The following UTRN variants were observed in gnomAD, a reference collection of about 807,000 sequenced individuals.
The protein encoded by UTRN is utrophin.
Under a neutral mutation model 463.9 loss-of-function variants are expected in UTRN, and 283 were observed. The ratio of observed to expected loss-of-function variants is 0.61; its 90% CI spans 0.55 to 0.67. The LOEUF is 0.67. Ranked by LOEUF, UTRN falls within the 30% of genes least tolerant of loss-of-function variation. The probability of loss-of-function intolerance (pLI) is 0.00; values close to 1 mark genes in which losing one functional copy is unlikely to be tolerated. For synonymous variants in UTRN, 1,442 were observed against 1,431.5 expected (o/e 1.01, Z -0.17); for missense variants, 3,922 against 4,084.3 (o/e 0.96, Z 1.08).
chr6:144,434,313 G>A (rs1424489603), intron 9 of UTRN, among the ~76,000 whole-genome samples: 5 of 150,508 alleles, frequency 3.3e-5, no homozygotes, highest in East Asian at 3.9e-4. Context: ...GCTTCGGCTC[G>A]GCATCAGAGG....
At chr6:144,503,699 T>G (rs1794434212) in intron 34 of UTRN, among the ~76,000 whole-genome samples, 1 of 152,182 alleles carries the variant, frequency 6.6e-6, no homozygotes, top group Non-Finnish European at 1.5e-5. Context: ...AGCTTTGTTC[T>G]TTTTGCTTAG....
intron 2 of UTRN, among the ~76,000 whole-genome samples, chr6:144,361,449 G>A (rs1280958988): frequency 6.6e-6 from 1 of 152,168 alleles, no homozygotes; most frequent in Non-Finnish European, 1.5e-5. Flanking sequence ...GGCTATGTTT[G>A]AGTTAAAACC....
intron 14 of UTRN, among the ~76,000 whole-genome samples, chr6:144,444,948 T>C (rs979268442): frequency 1.3e-5 from 2 of 152,248 alleles, no homozygotes; most frequent in African/African-American, 4.8e-5. Flanking sequence ...TCAATAGGAC[T>C]GGTGGCTCTT....
intron 58 of UTRN, among the ~76,000 whole-genome samples, chr6:144,760,763 G>T (rs1377008888): frequency 6.6e-6 from 1 of 152,276 alleles, no homozygotes; most frequent in Middle Eastern, 3.4e-3. Flanking sequence ...TTGCATGATT[G>T]CCATGCAATG....
rs566204566 is a variant in UTRN at position 144,619,886 on chromosome 6, A to G, written c.7479+42598A>G. 2.0e-5 allele frequency among the ~76,000 whole-genome samples: 3 copies of G among 152,340 alleles called. No homozygotes were observed. The East Asian group carries it at 5.8e-4, about 29-fold the overall frequency. ...AAGGAAGCATTTTAAAACCAGGTGG[A>G]TGATTCAACACTAGACCACCCAGGA... On this transcript the variant is annotated intron_variant, in intron 51 of 74. Coordinates refer to ENST00000367545, the MANE Select transcript of UTRN (RefSeq NM_007124.3).
chr6:144,820,768 C>G, intron 65 of UTRN, 114 bp from the exon 66 acceptor site: 1 of 1,342,234 alleles, frequency 7.5e-7, no homozygotes, highest in Non-Finnish European at 1.0e-6. Context: ...ATGCATAAAA[C>G]TACCAAAACT....
rs1355414729 is a variant in UTRN, at chr6:144,745,680, C to T, written c.7940-2566C>T. ...TCAGAGGCAGCAGATGATGTTTTGT[C>T]ACAAGACAAAGAACCCATGGGCCTC... On this transcript the variant is annotated intron_variant, in intron 54 of 74. Coordinates refer to ENST00000367545, the MANE Select transcript of UTRN (RefSeq NM_007124.3). Among the ~76,000 whole-genome samples the T allele has an allele frequency of 3.3e-5, 5 of 152,172 alleles. No homozygotes were observed. The East Asian group carries it at 9.6e-4, about 29-fold the overall frequency.
intron 52 of UTRN, among the ~76,000 whole-genome samples, chr6:144,679,862 A>G (rs1329855294): frequency 6.6e-6 from 1 of 152,174 alleles, no homozygotes; most frequent in Non-Finnish European, 1.5e-5. Context: ...CATGTGAGGA[A>G]GGGAGCAATG....
At chr6:144,662,999 A>G (rs1322374767) in intron 51 of UTRN, among the ~76,000 whole-genome samples, 1 of 152,148 alleles carries the variant, frequency 6.6e-6, no homozygotes, top group Admixed American at 6.5e-5. Context: ...CTGGGATTGT[A>G]GTTTCCCAGC....
intron 51 of UTRN, among the ~76,000 whole-genome samples, chr6:144,638,673 TACTA>T (rs968703842): frequency 6.6e-6 from 1 of 152,260 alleles, no homozygotes; most frequent in African/African-American, 2.4e-5. Flanking sequence ...TAATCAAAGT[TACTA>T]AATAGTGCTC....
At chr6:144,290,097 T>A (rs1221446595) in intron 1 of UTRN, among the ~76,000 whole-genome samples, 1 of 152,188 alleles carries the variant, frequency 6.6e-6, no homozygotes, top group Non-Finnish European at 1.5e-5. Context: ...GAACTTAAGT[T>A]GAAGATACCA....
intron 51 of UTRN, among the ~76,000 whole-genome samples, chr6:144,641,006 G>C (rs983829822): frequency 6.6e-6 from 1 of 152,112 alleles, no homozygotes; most frequent in Non-Finnish European, 1.5e-5. Flanking sequence ...GCACTAGATT[G>C]TATCTTAGGG....
chr6:144,708,400 G>A lies in UTRN; in HGVS notation c.7809+8157G>A, dbSNP rs970484086. Reference sequence around the variant, plus strand: ...TTTAGATAAAGTGTTTAGAGGCTTTGCCTTTGGCCTCTCATATTTTCCTTT... The same window carrying A: ...TTTAGATAAAGTGTTTAGAGGCTTTACCTTTGGCCTCTCATATTTTCCTTT... On this transcript the variant is annotated intron_variant, in intron 53 of 74. Transcript: ENST00000367545. 7.9e-6 allele frequency: 5 copies of A among 630,998 alleles called. No individual in the cohort carries two copies. The Admixed American group carries it at 1.0e-4, about 13-fold the overall frequency. The allele number at this position is 630,998 out of a possible 1,614,324, so 39.1% of individuals were successfully genotyped here. A position where few individuals can be genotyped will look rare whatever the true frequency, so the allele number is the denominator to read the frequency against.
In UTRN at chr6:144,542,789, C is replaced by G. The variant is rs533892112; in HGVS notation, c.6520-6C>G. The G allele has an allele frequency of 6.2e-7, 1 of 1,612,284 alleles. No individual in the cohort carries two copies. Among genetic ancestry groups the G allele is most frequent in the Non-Finnish European group, 8.5e-7 (1 of 1,179,256 alleles). Reference sequence around the variant, plus strand: ...TCTTCTCTTTCTGTTTGTCCTGATGCGGTAGATTTGCAGAGAGGTGCCTAC... The same window carrying G: ...TCTTCTCTTTCTGTTTGTCCTGATGGGGTAGATTTGCAGAGAGGTGCCTAC... On this transcript the variant is annotated splice_polypyrimidine_tract_variant and splice_region_variant and intron_variant, in intron 45 of 74. Transcript: ENST00000367545.
At chr6:144,611,011 A>G (rs529922001) in intron 51 of UTRN, among the ~76,000 whole-genome samples, 22 of 152,270 alleles carry the variant, frequency 1.4e-4, no homozygotes, top group Non-Finnish European at 2.2e-4. Context: ...GTCATTTACC[A>G]TGATCATTGG....
chr6:144,316,161 G>A (rs191223933), intron 2 of UTRN, among the ~76,000 whole-genome samples: 1 of 152,252 alleles, frequency 6.6e-6, no homozygotes, highest in East Asian at 1.9e-4. Context: ...ACTAGGCTGG[G>A]AAACACAGTG....
At chr6:144,344,624 G>T (rs1021477916) in intron 2 of UTRN, among the ~76,000 whole-genome samples, 1 of 152,308 alleles carries the variant, frequency 6.6e-6, no homozygotes, top group South Asian at 2.1e-4. Flanking sequence ...TTTCAAAATA[G>T]CTTACTCTGT....
chr6:144,289,423 A>G (rs1804011176), intron 1 of UTRN, among the ~76,000 whole-genome samples: 1 of 152,218 alleles, frequency 6.6e-6, no homozygotes, highest in Non-Finnish European at 1.5e-5. Context: ...ATATTACAAT[A>G]GAAAGAATAG....
intron 56 of UTRN, among the ~76,000 whole-genome samples, chr6:144,753,631 A>G (rs1426121405): frequency 1.3e-5 from 2 of 151,794 alleles, no homozygotes; most frequent in Non-Finnish European, 2.9e-5. Context: ...AAAATAAAAC[A>G]AAAACAAAGA....
Sources: allele counts gnomAD v4.1 joint callset (sites outside exome capture counted in the v4.1 genomes callset), GRCh38; gene constraint gnomAD v4.1.1; transcripts MANE v1.5; gene names NCBI Gene and HGNC (gene_info 2026-07-23, HGNC 2026-07-21).